The following VPS39 variants were observed in gnomAD, a reference collection of about 807,000 sequenced individuals.
VPS39 encodes VPS39 subunit of HOPS complex.
In VPS39, 70 loss-of-function variants were observed where a neutral mutation model predicts 121.0. The ratio of observed to expected loss-of-function variants is 0.58; its 90% CI spans 0.48 to 0.71. VPS39 has a LOEUF of 0.71. Among genes scored for constraint, VPS39 ranks in the 30% least tolerant of loss-of-function variants. The probability of loss-of-function intolerance (pLI) is 0.00; values close to 1 mark genes in which losing one functional copy is unlikely to be tolerated. For missense variants in VPS39, 818 were observed against 1,051.5 expected (o/e 0.78, Z 3.07); for synonymous variants, 378 against 398.1 (o/e 0.95, Z 0.60).
chr15:42,183,291 G>A (rs1488474597), intron 8 of VPS39, among the ~76,000 whole-genome samples: 2 of 151,074 alleles, frequency 1.3e-5, no homozygotes, highest in East Asian at 1.9e-4. Flanking sequence ...TGTTTGAGAC[G>A]GGGTTTCACC....
chr15:42,197,357 A>C (rs1479086622), intron 2 of VPS39, among the ~76,000 whole-genome samples: 4 of 151,720 alleles, frequency 2.6e-5, no homozygotes, highest in Non-Finnish European at 5.9e-5. Flanking sequence ...CCTAAAAAAA[A>C]AAAAAGAAAA....
Position 42,160,827 on chromosome 15 carries a change from G to A in VPS39, c.2555C>T (p.Ala852Val), listed in dbSNP as rs1256030543. 1.2e-6 allele frequency: 2 copies of A among 1,614,060 alleles called. No individual in the cohort carries two copies. The highest frequency in any genetic ancestry group is 3.3e-5 in the Admixed American group (2 of 60,020). ...MVCKKKIGNS[A>V]FARYPNGVVV... ...CACTCCATTGGGGTATCTTGCAAAT[G>A]CACTGCAGGGAAGAAAATGGCTTGG... Residue 852 changes from alanine to valine, a missense_variant and splice_region_variant, in exon 25 of 25, where the codon GCA (alanine) becomes GTA (valine). By Grantham distance (64) the Ala-to-Val change is moderately conservative (BLOSUM62 0). Coordinates refer to ENST00000318006, the MANE Select transcript of VPS39 (RefSeq NM_015289.5).
intron 12 of VPS39, among the ~76,000 whole-genome samples, chr15:42,168,930 A>G (rs528390797): frequency 1.1e-4 from 17 of 152,340 alleles, no homozygotes; most frequent in Admixed American, 2.0e-4. Flanking sequence ...AAAAATATCA[A>G]TAAGGTCTCT....
chr15:42,184,054 C>CAAAAAAAAAAA (rs34358912), intron 8 of VPS39: 4 of 57,890 alleles, frequency 6.9e-5, no homozygotes, highest in African/African-American at 2.4e-4. Context: ...CTCTAAGCTA[C>CAAAAAAAAAAA]AAAAAAAAAA....
chr15:42,165,587 A>G, intron 17 of VPS39, 131 bp downstream of exon 17: 2 of 677,980 alleles, frequency 2.9e-6, no homozygotes, highest in South Asian at 4.1e-5. Flanking sequence ...CTTCAGAGGA[A>G]GCTGAAATAA....
intron 2 of VPS39, among the ~76,000 whole-genome samples, chr15:42,195,902 G>T (rs997994512): frequency 6.6e-6 from 1 of 152,142 alleles, no homozygotes; most frequent in Admixed American, 6.5e-5. Context: ...GAGGCGTCAC[G>T]CTGCCTGACT....
In VPS39 at chr15:42,207,965, T is replaced by C. The variant is rs1036121274; in HGVS notation, c.73+116A>G. 106 of 1,106,544 alleles carry C rather than the reference T, an allele frequency of 9.6e-5. 6 individuals carry two copies. The highest frequency in any genetic ancestry group is 1.4e-5 in the South Asian group (1 of 69,258). 68.5% of individuals were successfully genotyped at this position (1,106,544 alleles called of 1,614,324 possible). A position where few individuals can be genotyped will look rare whatever the true frequency, so the allele number is the denominator to read the frequency against. Reference sequence around the variant, plus strand: ...CTTCTCTCATCCTAAGCCCCTCTCGTGTAGCATCCAACCGAAGCCCACACG... The same window carrying C: ...CTTCTCTCATCCTAAGCCCCTCTCGCGTAGCATCCAACCGAAGCCCACACG... On this transcript the variant is annotated intron_variant, in intron 1 of 24. Transcript: ENST00000318006.
Position 42,190,873 on chromosome 15 carries a change from C to T in VPS39, c.247+252G>A, listed in dbSNP as rs190885229. Among the ~76,000 whole-genome samples, 69 of 150,876 alleles carry T rather than the reference C, an allele frequency of 4.6e-4. 1 individual carries two copies. The East Asian group carries it at 0.012, about 27-fold the overall frequency. On this transcript the variant is annotated intron_variant, in intron 4 of 24. Transcript: ENST00000318006. ...TGGTATCCCGAATGTCTAGTCCAGA[C>T]TTTGCATAGAATAGGCTCAATAAAT... is the stretch of plus-strand genomic sequence containing the variant.
intron 10 of VPS39, among the ~76,000 whole-genome samples, chr15:42,175,475 G>A (rs2049434047): frequency 6.6e-6 from 1 of 151,802 alleles, no homozygotes; most frequent in Non-Finnish European, 1.5e-5. Flanking sequence ...GGTCGGGAAA[G>A]GTCCTATTCT....
chr15:42,163,205 C>T, intron 21 of VPS39, 145 bp downstream of exon 21: 3 of 947,604 alleles, frequency 3.2e-6, no homozygotes, highest in Non-Finnish European at 5.0e-6. Context: ...TGGTCCCCTG[C>T]TGTCCCTCAA....
chr15:42,169,984 G>A (rs2049316288), intron 11 of VPS39, 118 bp from the exon 12 acceptor site: 44 of 930,864 alleles, frequency 4.7e-5, no homozygotes, highest in South Asian at 4.1e-4. Flanking sequence ...AAAAAAAAAA[G>A]ACTCTCAGTT....
At position 42,162,399 on chromosome 15, in the gene VPS39, G is replaced by C; in HGVS notation, c.2258C>G (p.Pro753Arg). Reference sequence around the variant, plus strand: ...CAGAGCGGCCTGGAGGTTGGCTTTTGGCTCCAGTAGTTCCAGCTTGATTGG... The same window carrying C: ...CAGAGCGGCCTGGAGGTTGGCTTTTCGCTCCAGTAGTTCCAGCTTGATTGG... ...LGPIKLELLE[P>R]KANLQAALQV... Residue 753 changes from proline (P) to arginine (R), a missense_variant, in exon 22 of 25, where the codon CCA (proline) becomes CGA (arginine). Transcript: ENST00000318006. The C allele has an allele frequency of 1.2e-6, 2 of 1,613,860 alleles. No individual in the cohort carries two copies. Among genetic ancestry groups the C allele is most frequent in the Non-Finnish European group, 1.7e-6 (2 of 1,179,956 alleles).
intron 8 of VPS39, among the ~76,000 whole-genome samples, chr15:42,183,131 T>C (rs2049620666): frequency 6.6e-6 from 1 of 151,676 alleles, no homozygotes; most frequent in African/African-American, 2.4e-5. Flanking sequence ...GCGGGAGTCT[T>C]GCTCTGTCAC....
intron 2 of VPS39, chr15:42,192,242 T>C: frequency 3.6e-6 from 3 of 836,756 alleles, no homozygotes; most frequent in Non-Finnish European, 5.8e-6. Context: ...AGAGCAGCTA[T>C]CATGAAGCAA....
chr15:42,196,539 T>C (rs1433785563), intron 2 of VPS39, among the ~76,000 whole-genome samples: 2 of 152,174 alleles, frequency 1.3e-5, no homozygotes, highest in Admixed American at 6.5e-5. Context: ...AAAGAAGACA[T>C]TTATGCAGCC....
chr15:42,180,838 G>C (rs2049566870), intron 8 of VPS39, among the ~76,000 whole-genome samples: 1 of 152,154 alleles, frequency 6.6e-6, no homozygotes, highest in African/African-American at 2.4e-5. Context: ...TACGCCTTTA[G>C]GATGGCTACT....
rs1357639478 is a variant in VPS39, at chr15:42,178,677, C to A, written c.719-107G>T. The A allele has an allele frequency of 2.0e-6, 3 of 1,482,376 alleles. No homozygotes were observed. In the South Asian group the frequency reaches 3.7e-5, roughly 18 times the overall value. 91.8% of individuals were successfully genotyped at this position (1,482,376 alleles called of 1,614,324 possible). A position where few individuals can be genotyped will look rare whatever the true frequency, so the allele number is the denominator to read the frequency against. ...ACATTTAAATGGATCTCCAAAAAGT[C>A]CCCTAGTCAAATATCAAGCCAGGAT... On this transcript the variant is annotated intron_variant, in intron 8 of 24. Transcript: ENST00000318006.
intron 12 of VPS39, 91 bp downstream of exon 12, chr15:42,169,633 G>T: frequency 7.1e-7 from 1 of 1,399,188 alleles, no homozygotes; most frequent in Non-Finnish European, 9.6e-7. Context: ...GACTGCCTTG[G>T]CATTAGAGAA....
At chr15:42,163,547 G>A in intron 20 of VPS39, 79 bp downstream of exon 20, 1 of 1,520,070 alleles carries the variant, frequency 6.6e-7, no homozygotes, top group Non-Finnish European at 9.1e-7. Flanking sequence ...AGTATGGGGA[G>A]ATGGCCTTCT....
Sources: gnomAD v4.1 joint callset for allele counts (sites outside exome capture counted in the v4.1 genomes callset) on GRCh38, gnomAD v4.1.1 for gene constraint, MANE v1.5 for transcripts, NCBI Gene and HGNC (gene_info 2026-07-23, HGNC 2026-07-21) for gene names.